ADAMTS18: variants seen among roughly 807,000 people sequenced by gnomAD.
The protein encoded by ADAMTS18 is ADAM metallopeptidase with thrombospondin type 1 motif 18, also known as A disintegrin and metalloproteinase with thrombospondin motifs 18.
Under a neutral mutation model 165.9 loss-of-function variants are expected in ADAMTS18, and 157 were observed. The observed-to-expected ratio is 0.95, with a 90% confidence interval of 0.83 to 1.08. ADAMTS18 has a LOEUF of 1.08. Ranked by LOEUF, ADAMTS18 falls within the 50% of genes least tolerant of loss-of-function variation. ADAMTS18 has a pLI of 0.00. For synonymous variants in ADAMTS18, 782 were observed against 578.2 expected (o/e 1.35, Z -5.06); for missense variants, 2,040 against 1,534.0 (o/e 1.33, Z -5.51).
At chr16:77,413,092 A>T (rs1412377608) in intron 3 of ADAMTS18, among the ~76,000 whole-genome samples, 1 of 152,206 alleles carries the variant, frequency 6.6e-6, no homozygotes, top group Non-Finnish European at 1.5e-5. Flanking sequence ...AATTCTGGCT[A>T]ATATGCACCC....
At chr16:77,363,247 A>T (rs377711022) in intron 6 of ADAMTS18, among the ~76,000 whole-genome samples, 1 of 152,186 alleles carries the variant, frequency 6.6e-6, no homozygotes, top group Admixed American at 6.5e-5. Flanking sequence ...TGTGTCTTGC[A>T]TCTTACTGTG....
chr16:77,362,056 C>A (rs2056722757), intron 7 of ADAMTS18, 49 bp downstream of exon 7: 4 of 1,605,476 alleles, frequency 2.5e-6, no homozygotes, highest in African/African-American at 1.3e-5. Context: ...AGTTTCCATA[C>A]TGTGTTTTCA....
At chr16:77,381,075 T>C (rs536046787) in intron 3 of ADAMTS18, among the ~76,000 whole-genome samples, 2 of 152,186 alleles carry the variant, frequency 1.3e-5, no homozygotes, top group East Asian at 3.9e-4. Flanking sequence ...GGTTTCACCA[T>C]GTTGGTCAGG....
chr16:77,309,160 T>G (rs2055734189), intron 16 of ADAMTS18, among the ~76,000 whole-genome samples: 2 of 152,144 alleles, frequency 1.3e-5, no homozygotes, highest in African/African-American at 4.8e-5. Context: ...TCTCAGAAAC[T>G]ATGTGACTGC....
At chr16:77,376,329 C>A (rs749382787) in intron 3 of ADAMTS18, among the ~76,000 whole-genome samples, 1 of 152,174 alleles carries the variant, frequency 6.6e-6, no homozygotes, top group African/African-American at 2.4e-5. Flanking sequence ...AAATCCACCC[C>A]CAAGATCCAA....
chr16:77,317,654 C>T (rs182513942), intron 16 of ADAMTS18, among the ~76,000 whole-genome samples: 1 of 152,258 alleles, frequency 6.6e-6, no homozygotes, highest in Non-Finnish European at 1.5e-5. Flanking sequence ...TCTAAGAATC[C>T]ATGAGGGAAA....
intron 12 of ADAMTS18, 95 bp downstream of exon 12, chr16:77,335,660 TA>T: frequency 2.7e-6 from 4 of 1,459,326 alleles, no homozygotes; most frequent in South Asian, 2.3e-5. Context: ...TAATTAAAAA[TA>T]AAAAAATAAA....
intron 16 of ADAMTS18, among the ~76,000 whole-genome samples, chr16:77,302,346 T>G (rs757004384): frequency 6.6e-6 from 1 of 152,212 alleles, no homozygotes; most frequent in Non-Finnish European, 1.5e-5. Flanking sequence ...TTGCCTTTTT[T>G]TTATGCAACA....
intron 16 of ADAMTS18, among the ~76,000 whole-genome samples, chr16:77,314,129 G>C (rs191774219): frequency 1.0e-3 from 158 of 152,198 alleles, no homozygotes; most frequent in African/African-American, 3.7e-3. Context: ...AGATCTTTGA[G>C]GGACGTCCAC....
At chr16:77,368,193 T>C (rs533382288) in intron 3 of ADAMTS18, among the ~76,000 whole-genome samples, 7 of 151,954 alleles carry the variant, frequency 4.6e-5, no homozygotes, top group Admixed American at 3.9e-4. Flanking sequence ...AAGGAGAAAA[T>C]TGAAGCTAAG....
At chr16:77,284,512 G>T (rs1045799601) in intron 22 of ADAMTS18, among the ~76,000 whole-genome samples, 1 of 152,084 alleles carries the variant, frequency 6.6e-6, no homozygotes, top group African/African-American at 2.4e-5. Context: ...AAGGTCTTGG[G>T]CCCACCTCCC....
chr16:77,298,212 G>A (rs542113877), intron 17 of ADAMTS18, among the ~76,000 whole-genome samples: 2 of 152,028 alleles, frequency 1.3e-5, no homozygotes, highest in East Asian at 1.9e-4. Flanking sequence ...CACTGCACCC[G>A]GCCTCTGCTT....
chr16:77,361,034 C>A (rs1167586983), intron 7 of ADAMTS18, among the ~76,000 whole-genome samples: 1 of 151,894 alleles, frequency 6.6e-6, no homozygotes, highest in South Asian at 2.1e-4. Flanking sequence ...TGCAGTGAGC[C>A]GAAATCACGC....
chr16:77,292,890 G>A (rs2055390908), intron 20 of ADAMTS18, 186 bp downstream of exon 20: 1 of 593,838 alleles, frequency 1.7e-6, no homozygotes, highest in Non-Finnish European at 2.9e-6. Context: ...CGCAATCTCA[G>A]CTCACTGCAA....
At chr16:77,387,939 C>A (rs1477563259) in intron 3 of ADAMTS18, among the ~76,000 whole-genome samples, 1 of 152,198 alleles carries the variant, frequency 6.6e-6, no homozygotes, top group African/African-American at 2.4e-5. Flanking sequence ...CTCTATGGCG[C>A]TATCTCTCAC....
At chr16:77,316,802 T>C (rs540247565) in intron 16 of ADAMTS18, among the ~76,000 whole-genome samples, 9 of 152,216 alleles carry the variant, frequency 5.9e-5, no homozygotes, top group Admixed American at 2.6e-4. Flanking sequence ...CCCAAGTAGC[T>C]GGGACTACAG....
At chr16:77,306,023 G>A (rs146501949) in intron 16 of ADAMTS18, among the ~76,000 whole-genome samples, 11 of 152,242 alleles carry the variant, frequency 7.2e-5, no homozygotes, top group African/African-American at 1.9e-4. Context: ...CTCCCGTAAT[G>A]GCACCACATC....
intron 3 of ADAMTS18, among the ~76,000 whole-genome samples, chr16:77,416,390 G>A (rs1160329645): frequency 3.9e-5 from 6 of 152,168 alleles, no homozygotes; most frequent in Admixed American, 3.3e-4. Context: ...CTACCCAAAT[G>A]TCACCTTGAA....
intron 21 of ADAMTS18, 71 bp downstream of exon 21, chr16:77,291,195 A>G: frequency 1.3e-6 from 2 of 1,524,970 alleles, no homozygotes; most frequent in South Asian, 1.1e-5. Flanking sequence ...ACTAAGAGCA[A>G]CTGTTTGCAG....
Sources: allele counts gnomAD v4.1 joint callset (sites outside exome capture counted in the v4.1 genomes callset), GRCh38; gene constraint gnomAD v4.1.1; transcripts MANE v1.5; gene names NCBI Gene and HGNC (gene_info 2026-07-23, HGNC 2026-07-21).